SV2C: variants seen among roughly 807,000 people sequenced by gnomAD.
SV2C encodes the protein solute carrier family 22 member B3.
Under a neutral mutation model 79.7 loss-of-function variants are expected in SV2C, and 49 were observed. The ratio of observed to expected loss-of-function variants is 0.61; its 90% CI spans 0.49 to 0.78. The LOEUF is 0.78. Ranked by LOEUF, SV2C falls within the 30% of genes least tolerant of loss-of-function variation. The pLI, the probability that SV2C is intolerant of heterozygous loss-of-function variation, is 0.00. For missense variants in SV2C, 833 were observed against 912.9 expected (o/e 0.91, Z 1.13); for synonymous variants, 334 against 333.2 (o/e 1.00, Z -0.03).
chr5:76,298,689 G>T, intron 9 of SV2C, 105 bp from the exon 10 acceptor site: 1 of 1,299,770 alleles, frequency 7.7e-7, no homozygotes. Flanking sequence ...TTATAATTAA[G>T]ACAGTCCATA....
the SV2C span, among the ~76,000 whole-genome samples, chr5:75,976,431 A>T: frequency 3.9e-5 from 6 of 151,992 alleles, no homozygotes; most frequent in Non-Finnish European, 8.8e-5. Flanking sequence ...CTCTTCATCG[A>T]CTGTTAATTC....
At chr5:76,121,054 G>A (rs1410450019) in intron 1 of SV2C, among the ~76,000 whole-genome samples, 1 of 149,864 alleles carries the variant, frequency 6.7e-6, no homozygotes, top group Non-Finnish European at 1.5e-5. Context: ...TTTAATGATT[G>A]CCATTCTAAC....
chr5:76,259,357 G>A (rs1233061260), intron 4 of SV2C, among the ~76,000 whole-genome samples: 1 of 152,116 alleles, frequency 6.6e-6, no homozygotes, highest in Non-Finnish European at 1.5e-5. Context: ...GGCAGGCCTG[G>A]GAAGGCATCT....
chr5:76,166,119 G>C (rs750520191), intron 2 of SV2C, among the ~76,000 whole-genome samples: 3 of 152,194 alleles, frequency 2.0e-5, no homozygotes, highest in African/African-American at 7.2e-5. Flanking sequence ...TTTCTGCTCT[G>C]TAGTATCTTA....
chr5:75,996,428 G>A, the SV2C span, among the ~76,000 whole-genome samples: 2 of 152,158 alleles, frequency 1.3e-5, no homozygotes, highest in African/African-American at 4.8e-5. Flanking sequence ...GATGCCTCCA[G>A]CTTTGTTCTT....
chr5:76,013,090 T>C, the SV2C span, among the ~76,000 whole-genome samples: 69 of 152,320 alleles, frequency 4.5e-4, no homozygotes, highest in East Asian at 4.0e-3. Flanking sequence ...CTATACGGGC[T>C]CTTTTTTTGG....
chr5:76,293,764 C>T (rs889055683), intron 8 of SV2C, among the ~76,000 whole-genome samples: 2 of 152,176 alleles, frequency 1.3e-5, no homozygotes, highest in African/African-American at 2.4e-5. Context: ...GTCTTCTGAG[C>T]ACTTTCTATG....
intron 1 of SV2C, among the ~76,000 whole-genome samples, chr5:76,113,845 C>G (rs940260093): frequency 6.6e-6 from 1 of 152,036 alleles, no homozygotes; most frequent in Non-Finnish European, 1.5e-5. Context: ...GAAAGAATGC[C>G]CATTCTCAGT....
chr5:76,258,127 A>G lies in SV2C; in HGVS notation c.914-27035A>G, dbSNP rs555846805. ...TGTGTGGGGGTGTGGTGTATGGTAT[A>G]TGGGGTGTGTGTGTGTGTGTATGTG... is the stretch of plus-strand genomic sequence containing the variant. On this transcript the variant is annotated intron_variant, in intron 4 of 12. Coordinates refer to ENST00000502798, the MANE Select transcript of SV2C (RefSeq NM_014979.4). Among the ~76,000 whole-genome samples, 3 of 134,992 alleles carry G rather than the reference A, an allele frequency of 2.2e-5. No homozygotes were observed. In the South Asian group the frequency reaches 7.5e-4, roughly 34 times the overall value. The allele number at this position is 134,992 out of a possible 152,430, so 88.6% of individuals were successfully genotyped here.
intron 12 of SV2C, among the ~76,000 whole-genome samples, chr5:76,303,520 G>T (rs1250352451): frequency 6.6e-6 from 1 of 152,130 alleles, no homozygotes; most frequent in Non-Finnish European, 1.5e-5. Context: ...CTAGGTCATA[G>T]CCTCCTTCCT....
chr5:76,008,883 C>T, the SV2C span, among the ~76,000 whole-genome samples: 1 of 152,264 alleles, frequency 6.6e-6, no homozygotes, highest in East Asian at 1.9e-4. Flanking sequence ...CCAATACAAC[C>T]TTCTGGCTCA....
intron 4 of SV2C, among the ~76,000 whole-genome samples, chr5:76,227,460 C>G (rs1165174031): frequency 6.6e-6 from 1 of 152,210 alleles, no homozygotes; most frequent in African/African-American, 2.4e-5. Context: ...CTTCCTAGGG[C>G]ATCCTACCAC....
At chr5:75,971,204 C>T in the SV2C span, among the ~76,000 whole-genome samples, 2 of 151,998 alleles carry the variant, frequency 1.3e-5, 1 homozygote, top group African/African-American at 4.8e-5. Context: ...CATGACAAAC[C>T]CACAGCCAAT....
rs894797789 is a variant in SV2C, at chr5:76,329,820, G to T, written c.*4273G>T. ...CTGGAGCCAGGAATGTCTGAATTTG[G>T]CCTTCACCTGGTATCACAGAAAGAC... On this transcript the variant is annotated 3_prime_UTR_variant, in exon 13 of 13. Transcript: ENST00000502798. The T allele has an allele frequency of 6.6e-6, 1 of 152,086 alleles. No homozygotes were observed. Among genetic ancestry groups the T allele is most frequent in the African/African-American group, 2.4e-5 (1 of 41,404 alleles). 9.4% of individuals were successfully genotyped at this position (152,086 alleles called of 1,614,324 possible). A position where few individuals can be genotyped will look rare whatever the true frequency, so the allele number is the denominator to read the frequency against.
the SV2C span, among the ~76,000 whole-genome samples, chr5:75,953,126 G>A: frequency 1.3e-5 from 2 of 152,010 alleles, no homozygotes; most frequent in Non-Finnish European, 2.9e-5. Flanking sequence ...AAGGTGAAAA[G>A]GAGCTGGCAT....
At chr5:76,319,325 G>T (rs931036416) in intron 12 of SV2C, among the ~76,000 whole-genome samples, 3 of 152,036 alleles carry the variant, frequency 2.0e-5, no homozygotes, top group African/African-American at 7.2e-5. Flanking sequence ...GGCTGAGGTG[G>T]GAAAATCATC....
At chr5:76,090,217 C>T (rs181195646) in intron 1 of SV2C, among the ~76,000 whole-genome samples, 82 of 152,304 alleles carry the variant, frequency 5.4e-4, no homozygotes, top group Admixed American at 4.7e-3. Context: ...CTAAGCTTCA[C>T]GTTTAGAAGA....
intron 10 of SV2C, among the ~76,000 whole-genome samples, 158 bp downstream of exon 10, chr5:76,299,085 G>T (rs1289685199): frequency 6.6e-6 from 1 of 152,214 alleles, no homozygotes; most frequent in Non-Finnish European, 1.5e-5. Context: ...AGGTTGGCTT[G>T]TATTGTTTGT....
the SV2C span, among the ~76,000 whole-genome samples, chr5:76,069,303 C>G: frequency 6.6e-6 from 1 of 152,188 alleles, no homozygotes; most frequent in Non-Finnish European, 1.5e-5. Flanking sequence ...CTCCATCTGT[C>G]TGAGCAGCTC....
Sources: gnomAD v4.1 joint callset for allele counts (sites outside exome capture counted in the v4.1 genomes callset) on GRCh38, gnomAD v4.1.1 for gene constraint, MANE v1.5 for transcripts, NCBI Gene and HGNC (gene_info 2026-07-23, HGNC 2026-07-21) for gene names.